ARFGEF1: variants seen among roughly 807,000 people sequenced by gnomAD.
The protein encoded by ARFGEF1 is brefeldin A-inhibited guanine nucleotide-exchange protein 1.
Under a neutral mutation model 231.0 loss-of-function variants are expected in ARFGEF1, and 42 were observed. That is an observed-to-expected ratio of 0.18 (90% CI 0.14 to 0.24). The LOEUF (loss-of-function observed/expected upper bound fraction) is 0.24. Ranked by LOEUF, ARFGEF1 falls within the 10% of genes least tolerant of loss-of-function variation. The probability of loss-of-function intolerance (pLI) is 1.00; values close to 1 mark genes in which losing one functional copy is unlikely to be tolerated. For missense variants in ARFGEF1, 1,345 were observed against 2,192.0 expected (o/e 0.61, Z 7.72); for synonymous variants, 710 against 732.3 (o/e 0.97, Z 0.49).
At chr8:67,219,249 G>A (rs912429396) in intron 30 of ARFGEF1, among the ~76,000 whole-genome samples, 182 bp downstream of exon 30, 2 of 152,216 alleles carry the variant, frequency 1.3e-5, no homozygotes, top group South Asian at 2.1e-4. Context: ...TTACAGGCGT[G>A]AGCCACTGCG....
chr8:67,199,474 A>G (rs1463903959), intron 38 of ARFGEF1: 6 of 191,238 alleles, frequency 3.1e-5, no homozygotes, highest in Non-Finnish European at 6.3e-5. Context: ...GTTTTGGGGA[A>G]AATTCTACCC....
At chr8:67,252,430 C>A (rs975980329) in intron 18 of ARFGEF1, among the ~76,000 whole-genome samples, 1 of 152,076 alleles carries the variant, frequency 6.6e-6, no homozygotes, top group Non-Finnish European at 1.5e-5. Flanking sequence ...CATCTCCTTT[C>A]CATTTCCAGC....
At position 67,177,709 on chromosome 8, in the gene ARFGEF1, G is replaced by C. The variant is rs755275549; in HGVS notation, c.561-2137C>G. On this transcript the variant is annotated intron_variant, in intron 5 of 5. Coordinates refer to the ARFGEF1 transcript ENST00000518789. The stretch of plus-strand genomic sequence containing the variant: ...CTTAGATGCCATCCCAAGTGCTAAA[G>C]TACGAGAGCAAAGAATGGTAAGCAA... 8 of 1,612,188 alleles carry C rather than the reference G, an allele frequency of 5.0e-6. No homozygotes were observed. The Admixed American group carries it at 1.3e-4, about 27-fold the overall frequency.
chr8:67,265,013 C>CA (rs2128893141), intron 14 of ARFGEF1, among the ~76,000 whole-genome samples: 1 of 152,264 alleles, frequency 6.6e-6, no homozygotes, highest in South Asian at 2.1e-4. Context: ...TTTGTTTACA[C>CA]ACACTAGACC....
intron 23 of ARFGEF1, among the ~76,000 whole-genome samples, chr8:67,230,920 AC>A (rs1839532162): frequency 6.6e-6 from 1 of 152,236 alleles, no homozygotes; most frequent in East Asian, 1.9e-4. Flanking sequence ...AAATTTTATC[AC>A]CTTAAAGTCT....
intron 1 of ARFGEF1, among the ~76,000 whole-genome samples, chr8:67,338,844 A>G (rs1350414890): frequency 6.6e-6 from 1 of 152,234 alleles, no homozygotes; most frequent in Non-Finnish European, 1.5e-5. Flanking sequence ...ATGGATTTAA[A>G]TTATAATTAA....
In ARFGEF1 at chr8:67,242,420, G is replaced by A. The variant is rs577122917; in HGVS notation, c.2851-2130C>T. ...CAGAGGTGTGAGGCCTCCTTTCCAG[G>A]CCCTAGCTCTGATTTCTAGACACAT... On this transcript the variant is annotated intron_variant, in intron 19 of 38. Coordinates refer to ENST00000262215, the MANE Select transcript of ARFGEF1 (RefSeq NM_006421.5). Among the ~76,000 whole-genome samples, 3 of 152,324 alleles carry A rather than the reference G, an allele frequency of 2.0e-5. No homozygotes were observed. The East Asian group carries it at 5.8e-4, about 29-fold the overall frequency.
Position 67,226,103 on chromosome 8 carries a change from T to G in ARFGEF1, c.3997A>C (p.Asn1333His), listed in dbSNP as rs766814154. ...AVKCLSEFAC[N>H]AAFPDTSMEA... ...ATACTTGTGTCTGGGAAAGCTGCAT[T>G]GCACGCAAATTCAGACAAACACTTC... is the stretch of plus-strand genomic sequence containing the variant. The change falls in exon 28 of 39, where the codon AAT (asparagine) becomes CAT (histidine). Residue 1333 changes from asparagine to histidine, a missense_variant. Asn to His is a moderately conservative substitution (Grantham distance 68). Coordinates refer to ENST00000262215, the MANE Select transcript of ARFGEF1 (RefSeq NM_006421.5). The G allele has an allele frequency of 6.2e-7, 1 of 1,613,344 alleles. No homozygotes were observed. Among genetic ancestry groups the G allele is most frequent in the Non-Finnish European group, 8.5e-7 (1 of 1,179,566 alleles).
intron 8 of ARFGEF1, among the ~76,000 whole-genome samples, chr8:67,276,882 A>G (rs1166311748): frequency 6.6e-6 from 1 of 152,176 alleles, no homozygotes; most frequent in African/African-American, 2.4e-5. Flanking sequence ...TCCTTTGTGT[A>G]TGACCTCTGA....
intron 14 of ARFGEF1, among the ~76,000 whole-genome samples, chr8:67,264,237 T>C (rs954071381): frequency 1.3e-5 from 2 of 152,070 alleles, no homozygotes; most frequent in African/African-American, 2.4e-5. Flanking sequence ...AAGATTATAC[T>C]AGTTGAGGAA....
intron 5 of ARFGEF1, among the ~76,000 whole-genome samples, chr8:67,189,857 G>A (rs1835726207): frequency 6.6e-6 from 1 of 152,096 alleles, no homozygotes; most frequent in South Asian, 2.1e-4. Context: ...TTTTTTCAAA[G>A]GAGTTGCGGA....
At chr8:67,285,474 A>G (rs1805717373) in intron 7 of ARFGEF1, among the ~76,000 whole-genome samples, 1 of 152,086 alleles carries the variant, frequency 6.6e-6, no homozygotes, top group Non-Finnish European at 1.5e-5. Flanking sequence ...CCAAGACTGT[A>G]CCACTATACC....
chr8:67,238,626 G>T, intron 21 of ARFGEF1, 109 bp downstream of exon 21: 2 of 1,442,674 alleles, frequency 1.4e-6, no homozygotes, highest in East Asian at 2.3e-5. Flanking sequence ...GTACTTATTC[G>T]AAATGTACTA....
chr8:67,301,371 A>G lies in ARFGEF1; in HGVS notation c.165T>C (p.His55=), dbSNP rs61758691. 692 of 1,612,144 alleles carry G rather than the reference A, an allele frequency of 4.3e-4. 1 individual carries two copies. The highest frequency in any genetic ancestry group is 5.3e-4 in the Non-Finnish European group (630 of 1,179,460). The stretch of plus-strand genomic sequence containing the variant: ...TGCTTGATCCAGCTTTTGCTTCTCC[A>G]TGAGGAGGACTAAATGAGAAAGAAA... The part of the protein sequence containing the change: ...KAETEKQSPP[H]GEAKAGSSTL... The change falls in exon 3 of 39, where the codon CAT becomes CAC. Residue 55 remains histidine, a synonymous_variant. Coordinates refer to ENST00000262215, the MANE Select transcript of ARFGEF1 (RefSeq NM_006421.5).
chr8:67,256,097 T>C (rs531279585), intron 17 of ARFGEF1, among the ~76,000 whole-genome samples: 44 of 151,820 alleles, frequency 2.9e-4, no homozygotes, highest in East Asian at 7.8e-4. Context: ...CTAGTGTAGA[T>C]TGAAAAATCA....
chr8:67,286,193 T>C (rs1441024151), intron 7 of ARFGEF1, among the ~76,000 whole-genome samples: 1 of 152,178 alleles, frequency 6.6e-6, no homozygotes, highest in African/African-American at 2.4e-5. Context: ...GATTTTCAAA[T>C]GGTTCAGCAA....
In ARFGEF1 at chr8:67,343,062, C is replaced by G; in HGVS notation, c.124+102G>C. 2.2e-6 allele frequency: 3 copies of G among 1,363,586 alleles called. No individual in the cohort carries two copies. The Admixed American group carries it at 6.9e-5, about 31-fold the overall frequency. The allele number at this position is 1,363,586 out of a possible 1,614,324, so 84.5% of individuals were successfully genotyped here. A position where few individuals can be genotyped will look rare whatever the true frequency, so the allele number is the denominator to read the frequency against. On this transcript the variant is annotated intron_variant, in intron 1 of 38. Coordinates refer to ENST00000262215, the MANE Select transcript of ARFGEF1 (RefSeq NM_006421.5). ...CGCGAGGGCTTCCCGAGGTCAGAGG[C>G]GCGGGCCTCGGGCAAGCCCCGGGCG...
chr8:67,282,064 T>C (rs1033404025), intron 7 of ARFGEF1, among the ~76,000 whole-genome samples: 6 of 152,102 alleles, frequency 3.9e-5, no homozygotes, highest in African/African-American at 1.2e-4. Flanking sequence ...AATAAAGTGG[T>C]TCTAAAGTTC....
chr8:67,316,464 A>T (rs1272075086), intron 1 of ARFGEF1, among the ~76,000 whole-genome samples: 1 of 146,350 alleles, frequency 6.8e-6, no homozygotes, highest in Non-Finnish European at 1.5e-5. Context: ...CTGTTGTATA[A>T]TTTTTTTTTT....
Sources: allele counts gnomAD v4.1 joint callset (sites outside exome capture counted in the v4.1 genomes callset), GRCh38; gene constraint gnomAD v4.1.1; transcripts MANE v1.5; gene names NCBI Gene and HGNC (gene_info 2026-07-23, HGNC 2026-07-21).